The following ACACB variants were observed in gnomAD, a reference collection of about 807,000 sequenced individuals.
ACACB encodes acetyl-CoA carboxylase beta.
In ACACB, 209 loss-of-function variants were observed where a neutral mutation model predicts 278.8. The observed-to-expected ratio is 0.75, with a 90% CI of 0.67 to 0.84. ACACB has a LOEUF of 0.84. ACACB is among the 40% of genes least tolerant of loss of function. The pLI, the probability that ACACB is intolerant of heterozygous loss-of-function variation, is 0.00. For missense variants in ACACB, 2,850 were observed against 3,269.0 expected (o/e 0.87, Z 3.13); for synonymous variants, 1,174 against 1,285.6 (o/e 0.91, Z 1.86).
Position 109,259,046 on chromosome 12 carries a change from A to T in ACACB, c.6434A>T (p.Asn2145Ile), listed in dbSNP as rs759521668. Reference sequence around the variant, plus strand: ...ACCGCCCAGGCCGTCAAGGACTTCAACCGGGAGAAGTTGCCCCTGATGATC... The same window carrying T: ...ACCGCCCAGGCCGTCAAGGACTTCATCCGGGAGAAGTTGCCCCTGATGATC... ...YKTAQAVKDF[N>I]REKLPLMIFA... Residue 2145 changes from asparagine (N) to isoleucine (I), a missense_variant, in exon 47 of 53, where the codon AAC becomes ATC. Around this residue, in one of 3 missense-constraint regions of ACACB, gnomAD observed 579 missense variants for 684.6 expected, o/e 0.85. Transcript: ENST00000338432. 35 of 1,613,960 alleles carry T rather than the reference A, an allele frequency of 2.2e-5. No individual in the cohort carries two copies. Among genetic ancestry groups the T allele is most frequent in the Non-Finnish European group, 2.7e-5 (32 of 1,179,990 alleles).
chr12:109,152,555 A>G (rs911156696), intron 2 of ACACB, among the ~76,000 whole-genome samples: 30 of 150,932 alleles, frequency 2.0e-4, no homozygotes, highest in Admixed American at 1.5e-3. Flanking sequence ...CTGCTTAAAC[A>G]GGGGCCCAGG....
In ACACB at chr12:109,250,775, G is replaced by A. The variant is rs531075724; in HGVS notation, c.5790+671G>A. Among the ~76,000 whole-genome samples, 13 of 152,256 alleles carry A rather than the reference G, an allele frequency of 8.5e-5. No individual in the cohort carries two copies. In the South Asian group the frequency reaches 2.3e-3, roughly 27 times the overall value. Reference sequence around the variant, plus strand: ...TGGGTCTAAGGCAGAGTGAGAGACCGAGGCAAGTCTCTCAGCAGGAGTGAA... The same window carrying A: ...TGGGTCTAAGGCAGAGTGAGAGACCAAGGCAAGTCTCTCAGCAGGAGTGAA... On this transcript the variant is annotated intron_variant, in intron 41 of 52. Coordinates refer to ENST00000338432, the MANE Select transcript of ACACB (RefSeq NM_001093.4).
Position 109,210,532 on chromosome 12 carries a change from TATATATACGTGCATGTATATATAC to T in ACACB, c.3249+1188_3249+1211del, listed in dbSNP as rs1180508038. Among the ~76,000 whole-genome samples, 16 of 148,818 alleles carry T rather than the reference TATATATACGTGCATGTATATATAC, an allele frequency of 1.1e-4. No individual in the cohort carries two copies. The East Asian group carries it at 1.4e-3, about 13-fold the overall frequency. ...ATACGCACATACATGTGTATATGTG[TATATATACGTGCATGTATATATAC>T]ATATATACATGTATGTGTGTATATA... On this transcript the variant is annotated intron_variant, in intron 21 of 52. Coordinates refer to ENST00000338432, the MANE Select transcript of ACACB (RefSeq NM_001093.4).
intron 36 of ACACB, chr12:109,241,721 G>A (rs1481853431): frequency 5.5e-6 from 1 of 181,808 alleles, no homozygotes; most frequent in Non-Finnish European, 1.2e-5. Context: ...GTTCACTTAG[G>A]GAAATACTTT....
upstream of ACACB, among the ~76,000 whole-genome samples, chr12:109,116,109 T>C (rs1250120232): frequency 6.6e-6 from 1 of 152,248 alleles, no homozygotes; most frequent in Non-Finnish European, 1.5e-5. Flanking sequence ...GCAATGGAGC[T>C]GTTTTTTTCT....
rs1476143440 is a variant in ACACB at position 109,227,425 on chromosome 12, C to G, written c.3937C>G (p.Gln1313Glu). 1.2e-6 allele frequency: 2 copies of G among 1,613,664 alleles called. No homozygotes were observed. Among genetic ancestry groups the G allele is most frequent in the African/African-American group, 2.7e-5 (2 of 74,956 alleles). Residue 1313 changes from glutamine (Q) to glutamate (E), a missense_variant, in exon 28 of 53, where the codon CAG (glutamine) becomes GAG (glutamate). Transcript: ENST00000338432. ...AYELNSLQHR[Q>E]LPDGTCVVEF... ...TGAGTTAAACAGCCTGCAGCACCGG[C>G]AGCTCCCGGACGGCACCTGCGTGGT...
intron 1 of ACACB, among the ~76,000 whole-genome samples, chr12:109,120,731 A>C (rs2135937629): frequency 6.6e-6 from 1 of 152,228 alleles, no homozygotes; most frequent in South Asian, 2.1e-4. Flanking sequence ...TGAAGAAAAC[A>C]CACCCACACA....
chr12:109,115,425 G>A (rs959253687), upstream of ACACB, among the ~76,000 whole-genome samples: 4 of 152,056 alleles, frequency 2.6e-5, no homozygotes, highest in African/African-American at 9.7e-5. Flanking sequence ...TTATAAAAAT[G>A]TCCTTGAATC....
intron 2 of ACACB, among the ~76,000 whole-genome samples, chr12:109,157,278 A>G (rs887393716): frequency 6.7e-6 from 1 of 149,054 alleles, no homozygotes; most frequent in African/African-American, 2.5e-5. Flanking sequence ...AGTTGTTATT[A>G]TTATTATTAT....
At chr12:109,238,418 A>T (rs1336772106) in intron 34 of ACACB, among the ~76,000 whole-genome samples, 2 of 138,668 alleles carry the variant, frequency 1.4e-5, no homozygotes, top group Non-Finnish European at 3.1e-5. Flanking sequence ...ATATATAATA[A>T]TATATATAAT....
chr12:109,221,250 G>A (rs1400892839), intron 24 of ACACB, among the ~76,000 whole-genome samples: 1 of 152,150 alleles, frequency 6.6e-6, no homozygotes, highest in Non-Finnish European at 1.5e-5. Context: ...ATAGGAAAAT[G>A]CAGAAACACA....
intron 16 of ACACB, among the ~76,000 whole-genome samples, chr12:109,195,035 G>A (rs1318801958): frequency 6.6e-6 from 1 of 152,110 alleles, no homozygotes; most frequent in Non-Finnish European, 1.5e-5. Flanking sequence ...GCCCTTTGTG[G>A]GCCATCCAAG....
In ACACB at chr12:109,233,837, A is replaced by G; in HGVS notation, c.4229A>G (p.Asp1410Gly). ...SEARTSLYSE[D>G]DCKSLREEPI... ...GCCCGCACCTCCCTATACTCCGAGG[A>G]TGACTGCAAGGTAAGCGTCTAAGCC... Residue 1410 changes from aspartate to glycine, a missense_variant, in exon 30 of 53, where the codon GAT becomes GGT. Asp to Gly is a moderately conservative substitution (Grantham distance 94). Around this residue, in one of 3 missense-constraint regions of ACACB, gnomAD observed 2,265 missense variants for 2,561.3 expected, o/e 0.88. Coordinates refer to ENST00000338432, the MANE Select transcript of ACACB (RefSeq NM_001093.4). The G allele has an allele frequency of 1.2e-6, 2 of 1,614,198 alleles. No individual in the cohort carries two copies. The highest frequency in any genetic ancestry group is 1.7e-6 in the Non-Finnish European group (2 of 1,180,040).
intron 18 of ACACB, among the ~76,000 whole-genome samples, chr12:109,200,031 C>CAAAA (rs796623006): frequency 1.6e-5 from 1 of 61,452 alleles, no homozygotes. Flanking sequence ...GACTCCGTCT[C>CAAAA]AAAAAAAAAA....
intron 1 of ACACB, among the ~76,000 whole-genome samples, chr12:109,135,552 T>C (rs943097695): frequency 6.6e-6 from 1 of 151,722 alleles, no homozygotes; most frequent in African/African-American, 2.4e-5. Flanking sequence ...TTTTTTCTTA[T>C]GGTAAATTGG....
chr12:109,238,792 C>T (rs58744570), intron 34 of ACACB, among the ~76,000 whole-genome samples: 2,138 of 151,184 alleles, frequency 0.014, 64 homozygotes, highest in African/African-American at 0.048. Flanking sequence ...CTGAAACTGC[C>T]GACCTCAGGT....
At chr12:109,112,319 A>C (rs2042319447), upstream of ACACB, among the ~76,000 whole-genome samples, 1 of 148,624 alleles carries the variant, frequency 6.7e-6, no homozygotes. Context: ...TATATATTGA[A>C]CTTTAGTCAT....
intron 2 of ACACB, among the ~76,000 whole-genome samples, chr12:109,145,553 A>G (rs1380989305): frequency 6.6e-6 from 1 of 152,108 alleles, no homozygotes; most frequent in Non-Finnish European, 1.5e-5. Flanking sequence ...GAACAAGCAT[A>G]AATTATATTT....
chr12:109,119,342 G>A (rs1228999730), intron 1 of ACACB, among the ~76,000 whole-genome samples: 1 of 152,132 alleles, frequency 6.6e-6, no homozygotes, highest in Non-Finnish European at 1.5e-5. Flanking sequence ...TGTAATCCCA[G>A]CACTTTGGGA....
Sources: allele counts gnomAD v4.1 joint callset (sites outside exome capture counted in the v4.1 genomes callset), GRCh38; gene constraint gnomAD v4.1.1; regional missense constraint gnomAD v4.1.1; transcripts MANE v1.5; gene names NCBI Gene and HGNC (gene_info 2026-07-23, HGNC 2026-07-21).